FNDC1: variants seen among roughly 807,000 people sequenced by gnomAD.
FNDC1 encodes the protein fibronectin type III domain-containing protein 1.
In FNDC1, 96 loss-of-function variants were observed where a neutral mutation model predicts 168.0. The observed-to-expected ratio is 0.57, with a 90% CI of 0.48 to 0.68. The LOEUF (loss-of-function observed/expected upper bound fraction) is 0.68, where lower values mean the gene tolerates loss of function less well. FNDC1 is among the 30% of genes least tolerant of loss of function. The pLI, the probability that FNDC1 is intolerant of heterozygous loss-of-function variation, is 0.00. For missense variants in FNDC1, 2,587 were observed against 2,482.1 expected, an observed-to-expected ratio of 1.04 and a Z score of -0.90; for synonymous variants, 1,099 against 1,025.9, an observed-to-expected ratio of 1.07 and a Z score of -1.36.
intron 12 of FNDC1, among the ~76,000 whole-genome samples, chr6:159,237,805 T>G (rs555148693): frequency 6.6e-6 from 1 of 152,356 alleles, no homozygotes; most frequent in Admixed American, 6.5e-5. Flanking sequence ...AGCTTATATA[T>G]GCAAATGGAT....
intron 4 of FNDC1, among the ~76,000 whole-genome samples, chr6:159,213,957 A>G (rs552702611): frequency 4.7e-4 from 72 of 152,310 alleles, no homozygotes; most frequent in Middle Eastern, 3.4e-3. Context: ...GTGATATTAG[A>G]TTTTGTTTTT....
In FNDC1 at chr6:159,257,103, C is replaced by T. The variant is rs1777390644; in HGVS notation, c.5174+472C>T. ...GAGGTTATAAGCATGTCTTCGTAGA[C>T]TAGGCGTGGCTGGCCAGAGAATCAT... On this transcript the variant is annotated intron_variant, in intron 18 of 22. Coordinates refer to ENST00000297267, the MANE Select transcript of FNDC1 (RefSeq NM_032532.3). Among the ~76,000 whole-genome samples, 5 of 152,332 alleles carry T rather than the reference C, an allele frequency of 3.3e-5. No homozygotes were observed. The South Asian group carries it at 6.2e-4, about 19-fold the overall frequency.
At chr6:159,244,537 T>C (rs1329507717) in intron 14 of FNDC1, among the ~76,000 whole-genome samples, 1 of 152,148 alleles carries the variant, frequency 6.6e-6, no homozygotes, top group Non-Finnish European at 1.5e-5. Context: ...CCTTTGTGGG[T>C]GGAGTTTGTT....
chr6:159,190,263 C>T (rs556340371), intron 1 of FNDC1, among the ~76,000 whole-genome samples: 20 of 152,304 alleles, frequency 1.3e-4, no homozygotes, highest in African/African-American at 3.6e-4. Flanking sequence ...AACTGTGGTG[C>T]CATAGAGCAC....
At chr6:159,254,600 C>T (rs987333692) in intron 17 of FNDC1, among the ~76,000 whole-genome samples, 14 of 150,982 alleles carry the variant, frequency 9.3e-5, no homozygotes, top group East Asian at 3.9e-4. Flanking sequence ...CCCAGCTACT[C>T]GGGAGGCTGA....
intron 14 of FNDC1, chr6:159,243,142 G>A (rs1401027929): frequency 6.8e-6 from 1 of 147,442 alleles, no homozygotes; most frequent in South Asian, 2.2e-4. Context: ...TAAGGTATAG[G>A]CATTTTCCAT....
rs764191268 is a variant in FNDC1 at position 159,214,984 on chromosome 6, G to T, written c.500G>T (p.Arg167Leu). The change falls in exon 5 of 23, where the codon CGG becomes CTG. Residue 167 changes from arginine to leucine, a missense_variant. Arg to Leu is a moderately radical substitution (Grantham distance 102). Coordinates refer to ENST00000297267, the MANE Select transcript of FNDC1 (RefSeq NM_032532.3). ...VPNKPLRVRV[R>L]SSDDRLSVAW... Reference sequence around the variant, plus strand: ...AACAAGCCCTTGCGTGTGCGTGTCCGGTCCTCAGATGACAGGCTGTCCGTT... The same window carrying T: ...AACAAGCCCTTGCGTGTGCGTGTCCTGTCCTCAGATGACAGGCTGTCCGTT... 1 of 1,613,996 alleles carries T rather than the reference G, an allele frequency of 6.2e-7. No individual in the cohort carries two copies. The highest frequency in any genetic ancestry group is 1.7e-5 in the Admixed American group (1 of 60,018).
In FNDC1 at chr6:159,234,080, G is replaced by A; in HGVS notation, c.3568G>A (p.Gly1190Ser). The A allele has an allele frequency of 6.2e-7, 1 of 1,612,166 alleles. No individual in the cohort carries two copies. Among genetic ancestry groups the A allele is most frequent in the Non-Finnish European group, 8.5e-7 (1 of 1,179,284 alleles). Residue 1190 changes from glycine (G) to serine (S), a missense_variant, in exon 11 of 23, where the codon GGC becomes AGC. Gly to Ser is a moderately conservative substitution (Grantham distance 56). Transcript: ENST00000297267. ...DEEEDAGFFK[G>S]GKEDLLSSSV... The stretch of plus-strand genomic sequence containing the variant: ...GGAGGAGGACGCGGGATTTTTTAAA[G>A]GCGGGAAAGAAGACCTTCTGTCTTC...
At chr6:159,259,779 A>G (rs891358391) in intron 18 of FNDC1, among the ~76,000 whole-genome samples, 2 of 152,250 alleles carry the variant, frequency 1.3e-5, no homozygotes, top group South Asian at 2.1e-4. Context: ...TTAATTGTGC[A>G]TATCTTTTTA....
At chr6:159,178,555 T>C (rs190255068) in intron 1 of FNDC1, among the ~76,000 whole-genome samples, 115 of 152,216 alleles carry the variant, frequency 7.6e-4, no homozygotes, top group African/African-American at 2.6e-3. Flanking sequence ...AATGTAGCCA[T>C]ATTTACCTTC....
intron 14 of FNDC1, 115 bp from the exon 15 acceptor site, chr6:159,246,786 A>T: frequency 1.4e-6 from 1 of 701,302 alleles, no homozygotes; most frequent in Non-Finnish European, 2.5e-6. Flanking sequence ...GGCCTTGGGG[A>T]CTTGTTTTCA....
Position 159,253,908 on chromosome 6 carries a change from G to A in FNDC1, c.5065+2376G>A, listed in dbSNP as rs77896741. The stretch of plus-strand genomic sequence containing the variant: ...TTTCCGTGGCACACGTGTGACCTCC[G>A]TCCCCTCTGGGGTGGGCCATTGTGT... On this transcript the variant is annotated intron_variant, in intron 17 of 22. Transcript: ENST00000297267. Among the ~76,000 whole-genome samples the A allele has an allele frequency of 3.5e-3, 534 of 152,352 alleles. 2 individuals are homozygous for A. The highest frequency in any genetic ancestry group is 0.01 in the African/African-American group (416 of 41,582).
At chr6:159,174,004 CTTTT>C (rs1397775605) in intron 1 of FNDC1, among the ~76,000 whole-genome samples, 2 of 152,168 alleles carry the variant, frequency 1.3e-5, no homozygotes, top group Non-Finnish European at 2.9e-5. Context: ...GAGCAGACCT[CTTTT>C]CATTGGCCCC....
chr6:159,182,464 G>A (rs1405870493), intron 1 of FNDC1, among the ~76,000 whole-genome samples: 3 of 152,144 alleles, frequency 2.0e-5, no homozygotes, highest in Non-Finnish European at 2.9e-5. Flanking sequence ...TAGTAAAAGC[G>A]CTCTTTGAAT....
intron 1 of FNDC1, among the ~76,000 whole-genome samples, chr6:159,176,439 A>G (rs73799316): frequency 0.024 from 3,609 of 152,230 alleles, 124 homozygotes; most frequent in African/African-American, 0.081. Context: ...AGGTGTTTTG[A>G]GGGTGAATTG....
At chr6:159,217,067 G>A (rs1221608870) in intron 5 of FNDC1, among the ~76,000 whole-genome samples, 2 of 152,210 alleles carry the variant, frequency 1.3e-5, no homozygotes, top group Non-Finnish European at 2.9e-5. Context: ...GTGGGGATGC[G>A]CTGCTGAGAA....
In FNDC1 at chr6:159,197,534, G is replaced by A. The variant is rs1268725213; in HGVS notation, c.213G>A (p.Glu71=). 2 of 1,613,900 alleles carry A rather than the reference G, an allele frequency of 1.2e-6. No individual in the cohort carries two copies. The highest frequency in any genetic ancestry group is 1.1e-5 in the South Asian group (1 of 91,078). The change falls in exon 2 of 23, where the codon GAG becomes GAA. Residue 71 remains glutamate (E), a synonymous_variant. Transcript: ENST00000297267. ...PPKDATSRPV[E]HYNIAYGKSL... The stretch of plus-strand genomic sequence containing the variant: ...AAGATGCTACCAGTAGACCTGTGGA[G>A]CATTACAACATTGCCTATGGGAAGT...
At chr6:159,270,641 A>T (rs1270546054) in intron 22 of FNDC1, among the ~76,000 whole-genome samples, 6 of 152,184 alleles carry the variant, frequency 3.9e-5, no homozygotes, top group Non-Finnish European at 7.3e-5. Context: ...TTCCAGAAAA[A>T]TTTTTAGAAG....
At chr6:159,194,168 C>T (rs1782195040) in intron 1 of FNDC1, among the ~76,000 whole-genome samples, 1 of 152,148 alleles carries the variant, frequency 6.6e-6, no homozygotes, top group African/African-American at 2.4e-5. Context: ...TTTCATTTAA[C>T]CCAATTCCCT....
Sources: gnomAD v4.1 joint callset for allele counts (sites outside exome capture counted in the v4.1 genomes callset) on GRCh38, gnomAD v4.1.1 for gene constraint, MANE v1.5 for transcripts, NCBI Gene and HGNC (gene_info 2026-07-23, HGNC 2026-07-21) for gene names.